The following C12orf42 variants were observed in gnomAD, a reference collection of about 807,000 sequenced individuals.
C12orf42 encodes uncharacterized protein C12orf42.
A neutral mutation model predicts 21.6 loss-of-function variants in C12orf42; 25 were observed. The observed-to-expected ratio is 1.16, with a 90% CI of 0.84 to 1.62. The LOEUF is 1.62. Ranked by LOEUF, C12orf42 falls within the 40% of genes most tolerant of loss-of-function variation. The pLI is 0.00. For synonymous variants in C12orf42, 174 were observed against 175.0 expected, an observed-to-expected ratio of 0.99 and a Z score of 0.05; for missense variants, 483 against 459.3, an observed-to-expected ratio of 1.05 and a Z score of -0.47.
the C12orf42 span, among the ~76,000 whole-genome samples, chr12:103,157,601 G>A: frequency 6.6e-6 from 1 of 152,056 alleles, no homozygotes; most frequent in Non-Finnish European, 1.5e-5. Flanking sequence ...TATGGTTTTG[G>A]GTTTTACATT....
chr12:103,436,499 G>A (rs1950726556), intron 2 of C12orf42, among the ~76,000 whole-genome samples: 1 of 151,642 alleles, frequency 6.6e-6, no homozygotes, highest in Admixed American at 6.6e-5. Context: ...GCTGTATTCA[G>A]GAAACCCATC....
the C12orf42 span, among the ~76,000 whole-genome samples, chr12:103,512,526 C>A: frequency 6.6e-6 from 1 of 152,146 alleles, no homozygotes; most frequent in African/African-American, 2.4e-5. Flanking sequence ...CCTAAGTAGC[C>A]TGATTAATCA....
chr12:103,172,812 A>G, the C12orf42 span, among the ~76,000 whole-genome samples: 1 of 152,216 alleles, frequency 6.6e-6, no homozygotes, highest in East Asian at 1.9e-4. Flanking sequence ...TAAAGCTAAC[A>G]TAAGCCTCTT....
the C12orf42 span, among the ~76,000 whole-genome samples, chr12:103,511,678 TAGA>T: frequency 3.3e-5 from 5 of 152,112 alleles, no homozygotes; most frequent in East Asian, 9.6e-4. Flanking sequence ...AAAAATAAAG[TAGA>T]AGCAGGCCCA....
At chr12:103,222,238 G>C in the C12orf42 span, among the ~76,000 whole-genome samples, 1 of 151,984 alleles carries the variant, frequency 6.6e-6, no homozygotes, top group Non-Finnish European at 1.5e-5. Context: ...GATAAGGGTG[G>C]GGCCGTTTTA....
intron 1 of C12orf42, among the ~76,000 whole-genome samples, chr12:103,494,438 T>C (rs1955380489): frequency 6.6e-6 from 1 of 152,216 alleles, no homozygotes; most frequent in Non-Finnish European, 1.5e-5. Context: ...TTCACTAGTC[T>C]CTTTTTCTCT....
At chr12:103,235,259 A>G (rs1298980348), downstream of C12orf42, among the ~76,000 whole-genome samples, 3 of 152,114 alleles carry the variant, frequency 2.0e-5, no homozygotes, top group Non-Finnish European at 1.5e-5. Flanking sequence ...TGACAAGTAA[A>G]ATTACATTTC....
the C12orf42 span, among the ~76,000 whole-genome samples, chr12:103,120,491 T>C: frequency 1.3e-5 from 2 of 152,246 alleles, no homozygotes; most frequent in East Asian, 1.9e-4. Flanking sequence ...TAAGAATGCT[T>C]GAATCATCAG....
In C12orf42 at chr12:103,393,354, T is replaced by C. The variant is rs1003890513; in HGVS notation, c.147+8253A>G. Among the ~76,000 whole-genome samples, 6 of 152,174 alleles carry C rather than the reference T, an allele frequency of 3.9e-5. No individual in the cohort carries two copies. The East Asian group carries it at 1.2e-3, about 29-fold the overall frequency. ...GTAGGGGTGGGGAGGTGCCACACTT[T>C]ACAACAATCAGATCTCGCAAGAACG... On this transcript the variant is annotated intron_variant, in intron 3 of 5. Transcript: ENST00000548883.
chr12:103,299,380 G>A (rs1204615781), downstream of C12orf42, among the ~76,000 whole-genome samples: 1 of 151,562 alleles, frequency 6.6e-6, no homozygotes, highest in South Asian at 2.1e-4. Flanking sequence ...ATTATAAAAA[G>A]AGTCCTTATT....
the C12orf42 span, among the ~76,000 whole-genome samples, chr12:103,521,547 G>C: frequency 6.6e-6 from 1 of 152,140 alleles, no homozygotes; most frequent in South Asian, 2.1e-4. Flanking sequence ...TGGTGGGAGG[G>C]AGAGCATCAG....
intron 3 of C12orf42, among the ~76,000 whole-genome samples, chr12:103,382,461 G>A (rs990354590): frequency 2.0e-5 from 3 of 152,176 alleles, no homozygotes; most frequent in African/African-American, 4.8e-5. Flanking sequence ...TAGAGCAGAT[G>A]AGCAGTGTAT....
intron 10 of C12orf42, among the ~76,000 whole-genome samples, chr12:103,242,152 T>A (rs2033779533): frequency 1.3e-5 from 2 of 152,170 alleles, no homozygotes; most frequent in South Asian, 4.1e-4. Flanking sequence ...TCTTTTCTTG[T>A]CTAAGAGAGC....
At chr12:103,433,802 C>G (rs1950443838) in intron 2 of C12orf42, among the ~76,000 whole-genome samples, 1 of 152,112 alleles carries the variant, frequency 6.6e-6, no homozygotes, top group Non-Finnish European at 1.5e-5. Flanking sequence ...ATCTTGGAAA[C>G]AGAAATATGA....
intron 4 of C12orf42, among the ~76,000 whole-genome samples, chr12:103,320,470 TA>T (rs906103414): frequency 6.6e-6 from 1 of 152,194 alleles, no homozygotes; most frequent in African/African-American, 2.4e-5. Flanking sequence ...ATACAGTTAG[TA>T]AAAGAGAACT....
chr12:103,167,539 G>A, the C12orf42 span, among the ~76,000 whole-genome samples: 1 of 152,006 alleles, frequency 6.6e-6, no homozygotes, highest in Non-Finnish European at 1.5e-5. Context: ...CCCTCAACCT[G>A]GAGCCCCAGC....
At chr12:103,381,105 A>C (rs2046122609) in intron 3 of C12orf42, among the ~76,000 whole-genome samples, 1 of 152,206 alleles carries the variant, frequency 6.6e-6, no homozygotes, top group South Asian at 2.1e-4. Context: ...ACTATCCTGA[A>C]GCAAAAGGAA....
At chr12:103,439,623 A>G (rs902594937) in intron 2 of C12orf42, among the ~76,000 whole-genome samples, 15 of 149,576 alleles carry the variant, frequency 1.0e-4, no homozygotes, top group Admixed American at 8.7e-4. Context: ...TTCTCAAAAG[A>G]AGACATTTAT....
intron 1 of C12orf42, among the ~76,000 whole-genome samples, chr12:103,488,040 C>T (rs551311528): frequency 2.6e-5 from 4 of 152,170 alleles, no homozygotes; most frequent in Non-Finnish European, 5.9e-5. Flanking sequence ...GATGCAGTTT[C>T]TTCATAGCAC....
Sources: allele counts gnomAD v4.1 joint callset (sites outside exome capture counted in the v4.1 genomes callset), GRCh38; gene constraint gnomAD v4.1.1; transcripts MANE v1.5; gene names NCBI Gene and HGNC (gene_info 2026-07-23, HGNC 2026-07-21).